TEX29: variants seen among roughly 807,000 people sequenced by gnomAD.
TEX29 encodes testis-expressed protein 29.
Under a neutral mutation model 18.2 loss-of-function variants are expected in TEX29, and 26 were observed. The ratio of observed to expected loss-of-function variants is 1.43; its 90% CI spans 1.04 to 1.98. The LOEUF is 1.98. TEX29 is among the 30% of genes most tolerant of loss of function. The probability of loss-of-function intolerance (pLI) is 0.00; values close to 1 mark genes in which losing one functional copy is unlikely to be tolerated. For missense variants in TEX29, 177 were observed against 194.2 expected, an observed-to-expected ratio of 0.91 and a Z score of 0.53; for synonymous variants, 83 against 78.5, an observed-to-expected ratio of 1.06 and a Z score of -0.31.
chr13:111,338,185 G>A (rs9522187), intron 3 of TEX29, among the ~76,000 whole-genome samples: 46,117 of 151,990 alleles, frequency 0.3, 8,092 homozygotes, highest in East Asian at 0.77. Flanking sequence ...TAGATCCCTG[G>A]TACCTGTGAA....
At chr13:111,342,680 G>C (rs2093698449) in intron 4 of TEX29, 76 bp from the exon 5 acceptor site, 2 of 1,449,022 alleles carry the variant, frequency 1.4e-6, no homozygotes, top group Non-Finnish European at 1.9e-6. Flanking sequence ...GGGATGTCCT[G>C]GTGGGTGGGA....
chr13:111,332,060 A>G lies in TEX29; in HGVS notation c.169+3767A>G, dbSNP rs572491270. On this transcript the variant is annotated intron_variant, in intron 3 of 5. Transcript: ENST00000283547. Reference sequence around the variant, plus strand: ...TCCCTTGCATTTCCAGATCAAATTTAGCTTGTCAATTTCTGCAGAAAAGAG... The same window carrying G: ...TCCCTTGCATTTCCAGATCAAATTTGGCTTGTCAATTTCTGCAGAAAAGAG... Among the ~76,000 whole-genome samples, 128 of 152,262 alleles carry G rather than the reference A, an allele frequency of 8.4e-4. 1 individual carries two copies. The highest frequency in any genetic ancestry group is 2.9e-3 in the African/African-American group (122 of 41,554).
chr13:111,342,897 G>T lies in TEX29; in HGVS notation c.381G>T (p.Gly127=), dbSNP rs1566322596. The part of the protein sequence containing the change: ...KPASPGPPSA[G]PSMKSDEDKD... ...CGAGTCCTGGGCCTCCAAGTGCTGG[G>T]CCCTCGATGAAGAGTGACGAGGATA... The change falls in exon 5 of 6, where the codon GGG becomes GGT. Residue 127 remains glycine (G), a synonymous_variant. Transcript: ENST00000283547. The T allele has an allele frequency of 1.2e-6, 2 of 1,614,060 alleles. No individual in the cohort carries two copies. Among genetic ancestry groups the T allele is most frequent in the African/African-American group, 1.3e-5 (1 of 74,918 alleles).
At chr13:111,318,918 G>A (rs144241424), upstream of TEX29, among the ~76,000 whole-genome samples, 354 of 152,338 alleles carry the variant, frequency 2.3e-3, 1 homozygote, top group African/African-American at 8.0e-3. Flanking sequence ...ACTTCTGGGG[G>A]CTGGAAGTTC....
At chr13:111,336,111 G>A (rs1256461830) in intron 3 of TEX29, among the ~76,000 whole-genome samples, 1 of 152,204 alleles carries the variant, frequency 6.6e-6, no homozygotes, top group Non-Finnish European at 1.5e-5. Context: ...CTTGGAGAGG[G>A]CTCACTGTTT....
At chr13:111,316,383 T>A (rs2093654790), upstream of TEX29, 2 of 433,938 alleles carry the variant, frequency 4.6e-6, no homozygotes, top group African/African-American at 4.0e-5. Context: ...GCCCCCGCTG[T>A]CTGCCCTGAG....
intron 2 of TEX29, among the ~76,000 whole-genome samples, chr13:111,323,910 G>A (rs555112800): frequency 1.8e-4 from 27 of 152,318 alleles, no homozygotes; most frequent in African/African-American, 4.8e-4. Context: ...CTCAAACTCC[G>A]GGAGAACTGG....
intron 2 of TEX29, among the ~76,000 whole-genome samples, chr13:111,327,528 A>G (rs1353312210): frequency 1.3e-5 from 2 of 151,222 alleles, no homozygotes; most frequent in Non-Finnish European, 3.0e-5. Flanking sequence ...ACCTGCAGGA[A>G]CCCCCTTCAT....
At chr13:111,316,783 A>G (rs796100033), upstream of TEX29, among the ~76,000 whole-genome samples, 38 of 152,334 alleles carry the variant, frequency 2.5e-4, no homozygotes, top group African/African-American at 8.9e-4. Context: ...ACTGCTATAA[A>G]GATACTACCT....
At chr13:111,335,811 G>A (rs2093688840) in intron 3 of TEX29, among the ~76,000 whole-genome samples, 1 of 152,214 alleles carries the variant, frequency 6.6e-6, no homozygotes, top group African/African-American at 2.4e-5. Context: ...GTAAAGTGGT[G>A]TAAATGCATC....
intron 3 of TEX29, chr13:111,339,453 C>T (rs2093694017): frequency 2.3e-6 from 1 of 428,516 alleles, no homozygotes; most frequent in African/African-American, 2.0e-5. Flanking sequence ...GGAGCCAGCG[C>T]CATCTCTCAG....
At chr13:111,320,819 C>T in intron 1 of TEX29, 38 bp from the exon 2 acceptor site, 1 of 1,602,944 alleles carries the variant, frequency 6.2e-7, no homozygotes, top group South Asian at 1.1e-5. Flanking sequence ...AACGACGTCC[C>T]CAGGGCCCCG....
intron 3 of TEX29, chr13:111,339,473 G>T (rs1044534965): frequency 2.4e-6 from 1 of 412,486 alleles, no homozygotes; most frequent in Admixed American, 3.0e-5. Context: ...GCACAACCCC[G>T]TGGGTCAGGA....
At chr13:111,343,236 G>A (rs2093699456) in intron 5 of TEX29, among the ~76,000 whole-genome samples, 1 of 152,164 alleles carries the variant, frequency 6.6e-6, no homozygotes, top group South Asian at 2.1e-4. Context: ...CTCCTGGGGA[G>A]GGGGCAAGAG....
At chr13:111,326,680 A>C in intron 2 of TEX29, among the ~76,000 whole-genome samples, 1 of 116,694 alleles carries the variant, frequency 8.6e-6, no homozygotes, top group Non-Finnish European at 1.8e-5. Flanking sequence ...GACTGCGGGC[A>C]ACGTGAGCCT....
Position 111,344,153 on chromosome 13 carries a change from A to G in TEX29, c.*30A>G. On this transcript the variant is annotated 3_prime_UTR_variant, in exon 6 of 6. Coordinates refer to ENST00000283547, the MANE Select transcript of TEX29 (RefSeq NM_152324.3). The stretch of plus-strand genomic sequence containing the variant: ...GACGCATGAAGAAGTGGAGATTGTC[A>G]GAATTATCCAAATGAAATGGTACAG... 2.5e-6 allele frequency: 4 copies of G among 1,599,822 alleles called. No homozygotes were observed. The South Asian group carries it at 3.3e-5, about 13-fold the overall frequency.
At chr13:111,325,153 C>A (rs2093670743) in intron 2 of TEX29, among the ~76,000 whole-genome samples, 1 of 152,218 alleles carries the variant, frequency 6.6e-6, no homozygotes, top group Non-Finnish European at 1.5e-5. Context: ...ATTGGTTTAA[C>A]CCCAGTCTCG....
intron 5 of TEX29, 60 bp downstream of exon 5, chr13:111,342,991 G>A (rs1331459948): frequency 1.3e-6 from 2 of 1,578,502 alleles, no homozygotes; most frequent in Non-Finnish European, 1.7e-6. Context: ...TGTTCCCTCG[G>A]GAGACCTTCC....
chr13:111,336,873 A>G (rs986558693), intron 3 of TEX29, among the ~76,000 whole-genome samples: 1 of 152,228 alleles, frequency 6.6e-6, no homozygotes, highest in African/African-American at 2.4e-5. Flanking sequence ...CTTGGCATCA[A>G]CGACAAAGAA....
Sources: gnomAD v4.1 joint callset for allele counts (sites outside exome capture counted in the v4.1 genomes callset) on GRCh38, gnomAD v4.1.1 for gene constraint, MANE v1.5 for transcripts, NCBI Gene and HGNC (gene_info 2026-07-23, HGNC 2026-07-21) for gene names.